Variants in GNA14 observed in about 807,000 individuals in gnomAD.
The protein encoded by GNA14 is guanine nucleotide-binding protein subunit alpha-14.
Under a neutral mutation model 42.0 loss-of-function variants are expected in GNA14, and 50 were observed. The ratio of observed to expected loss-of-function variants is 1.19; its 90% CI spans 0.95 to 1.51. The LOEUF is 1.51. Among genes scored for constraint, GNA14 ranks in the 40% most tolerant of loss-of-function variants. GNA14 has a pLI of 0.00. For synonymous variants in GNA14, 173 were observed against 163.1 expected, an observed-to-expected ratio of 1.06 and a Z score of -0.46; for missense variants, 473 against 446.2, an observed-to-expected ratio of 1.06 and a Z score of -0.54.
chr9:77,559,733 C>G (rs1467705325), intron 1 of GNA14, among the ~76,000 whole-genome samples: 2 of 152,210 alleles, frequency 1.3e-5, no homozygotes, highest in African/African-American at 4.8e-5. Flanking sequence ...TAAGAAACAA[C>G]CTGATATATG....
At position 77,431,405 on chromosome 9, in the gene GNA14, G is replaced by A. The variant is rs1212840287; in HGVS notation, c.509C>T (p.Pro170Leu). The A allele has an allele frequency of 6.2e-7, 1 of 1,613,702 alleles. No homozygotes were observed. The highest frequency in any genetic ancestry group is 8.5e-7 in the Non-Finnish European group (1 of 1,179,680). ...GACGCGAAGCACATCTTGTTGGGTA[G>A]GCACGAATGATGGTGTGGCGATGCG... ...IDRIATPSFV[P>L]TQQDVLRVRV... Residue 170 changes from proline to leucine, a missense_variant, in exon 4 of 7, where the codon CCT becomes CTT. Transcript: ENST00000341700.
chr9:77,470,304 T>C (rs180744325), intron 2 of GNA14, among the ~76,000 whole-genome samples: 56 of 152,186 alleles, frequency 3.7e-4, no homozygotes, highest in African/African-American at 1.2e-3. Flanking sequence ...ACCCATCAGG[T>C]GCTTTGGAGA....
chr9:77,528,306 T>A (rs559595896), intron 2 of GNA14, among the ~76,000 whole-genome samples: 1 of 152,278 alleles, frequency 6.6e-6, no homozygotes, highest in South Asian at 2.1e-4. Context: ...CATCATGTCA[T>A]GTTGTAATTT....
intron 1 of GNA14, among the ~76,000 whole-genome samples, chr9:77,623,271 A>C (rs1158977837): frequency 1.3e-5 from 2 of 150,066 alleles, no homozygotes; most frequent in Non-Finnish European, 3.0e-5. Context: ...AAAAGAAAAA[A>C]AAATTTGAAA....
chr9:77,605,392 C>T (rs1038882014), intron 1 of GNA14, among the ~76,000 whole-genome samples: 32 of 151,754 alleles, frequency 2.1e-4, no homozygotes, highest in African/African-American at 7.3e-4. Context: ...TGCTATCCTA[C>T]AATATGGCAC....
intron 2 of GNA14, among the ~76,000 whole-genome samples, chr9:77,448,523 T>C (rs1835858753): frequency 1.3e-5 from 2 of 152,252 alleles, no homozygotes; most frequent in Non-Finnish European, 2.9e-5. Context: ...TTTAGGTAAA[T>C]TAGATGCATT....
At chr9:77,428,744 G>T (rs1307911833) in intron 5 of GNA14, among the ~76,000 whole-genome samples, 163 bp downstream of exon 5, 1 of 152,172 alleles carries the variant, frequency 6.6e-6, no homozygotes, top group African/African-American at 2.4e-5. Context: ...TTTCTAACAA[G>T]CCATGCAGGT....
intron 5 of GNA14, among the ~76,000 whole-genome samples, chr9:77,426,542 G>C (rs761818513): frequency 6.6e-6 from 1 of 152,102 alleles, no homozygotes; most frequent in South Asian, 2.1e-4. Flanking sequence ...CTGACCTCGC[G>C]ATCCGCCCGC....
chr9:77,558,337 T>C (rs953874968), intron 1 of GNA14, among the ~76,000 whole-genome samples: 2 of 152,058 alleles, frequency 1.3e-5, no homozygotes, highest in Non-Finnish European at 2.9e-5. Flanking sequence ...TATGGCAAAA[T>C]GTTGACAGTT....
intron 1 of GNA14, among the ~76,000 whole-genome samples, chr9:77,626,401 C>A (rs2117990982): frequency 6.6e-6 from 1 of 152,316 alleles, no homozygotes; most frequent in South Asian, 2.1e-4. Flanking sequence ...TAGACATCTA[C>A]AGAACTCTCC....
rs142572662 is a variant in GNA14 at position 77,475,979 on chromosome 9, T to C, written c.310-41457A>G. Among the ~76,000 whole-genome samples the C allele has an allele frequency of 7.0e-4, 107 of 152,306 alleles. 3 individuals carry two copies. The East Asian group carries it at 0.012, about 17-fold the overall frequency. ...AGGACACAGCAGGAGCAGGCCTAAGTGTGCCCTTGAGCTTAGACTTCTGAT... is the reference window on the plus strand; with the variant it reads ...AGGACACAGCAGGAGCAGGCCTAAGCGTGCCCTTGAGCTTAGACTTCTGAT... On this transcript the variant is annotated intron_variant, in intron 2 of 6. Coordinates refer to ENST00000341700, the MANE Select transcript of GNA14 (RefSeq NM_004297.4).
chr9:77,624,742 T>A (rs1446634217), intron 1 of GNA14, among the ~76,000 whole-genome samples: 1 of 151,706 alleles, frequency 6.6e-6, no homozygotes, highest in African/African-American at 2.4e-5. Context: ...AGAAACCCCA[T>A]CCAAAGGTCA....
chr9:77,514,500 T>A (rs1050628812), intron 2 of GNA14, among the ~76,000 whole-genome samples: 1 of 152,030 alleles, frequency 6.6e-6, no homozygotes, highest in African/African-American at 2.4e-5. Context: ...AGAATTATAA[T>A]GTAATACGAA....
At chr9:77,624,370 G>A (rs1823980592) in intron 1 of GNA14, among the ~76,000 whole-genome samples, 1 of 152,186 alleles carries the variant, frequency 6.6e-6, no homozygotes, top group African/African-American at 2.4e-5. Flanking sequence ...GTTCCTGCCT[G>A]CCAGCTCTGA....
chr9:77,433,831 T>G (rs567174194), intron 3 of GNA14, among the ~76,000 whole-genome samples: 1 of 152,318 alleles, frequency 6.6e-6, no homozygotes, highest in East Asian at 1.9e-4. Context: ...GCTTCCTGTG[T>G]GTGCTGCGAG....
Position 77,566,169 on chromosome 9 carries a change from T to TTC in GNA14, c.125-36918_125-36917dup, listed in dbSNP as rs1564055168. 1.3e-4 allele frequency among the ~76,000 whole-genome samples: 17 copies of TTC among 133,090 alleles called. 1 individual carries two copies. The East Asian group carries it at 2.8e-3, about 22-fold the overall frequency. The allele number at this position is 133,090 out of a possible 152,430, so 87.3% of individuals were successfully genotyped here. ...TCTTTTTTTTTTTTTTTTTTTTTTT[T>TTC]TCTGAGACAGGGTCTCACTCTGTCA... On this transcript the variant is annotated intron_variant, in intron 1 of 6. Transcript: ENST00000341700.
intron 2 of GNA14, among the ~76,000 whole-genome samples, chr9:77,527,406 C>T (rs2131766735): frequency 6.6e-6 from 1 of 152,316 alleles, no homozygotes; most frequent in East Asian, 1.9e-4. Flanking sequence ...AACCCATGGC[C>T]CGTGGGCCAC....
intron 1 of GNA14, among the ~76,000 whole-genome samples, chr9:77,561,947 T>C (rs547669628): frequency 6.6e-6 from 1 of 152,330 alleles, no homozygotes; most frequent in South Asian, 2.1e-4. Flanking sequence ...CTCTCCTCTT[T>C]TGCTTCACTT....
chr9:77,444,292 TGG>T (rs1474365376), intron 2 of GNA14, among the ~76,000 whole-genome samples: 1 of 152,226 alleles, frequency 6.6e-6, no homozygotes, highest in East Asian at 1.9e-4. Context: ...GCTGATCTTC[TGG>T]TCAACCTCAC....
Sources: gnomAD v4.1 joint callset for allele counts (sites outside exome capture counted in the v4.1 genomes callset) on GRCh38, gnomAD v4.1.1 for gene constraint, MANE v1.5 for transcripts, NCBI Gene and HGNC (gene_info 2026-07-23, HGNC 2026-07-21) for gene names.